The following SPATA2L variants were observed in gnomAD, a reference collection of about 807,000 sequenced individuals.
SPATA2L encodes spermatogenesis-associated protein 2-like protein.
In SPATA2L, 5 loss-of-function variants were observed where a neutral mutation model predicts 8.7. The ratio of observed to expected loss-of-function variants is 0.57; its 90% CI spans 0.30 to 1.21. The LOEUF is 1.21. SPATA2L is among the 50% of genes most tolerant of loss of function. SPATA2L has a pLI of 0.07. For missense variants in SPATA2L, 671 were observed against 591.0 expected, an observed-to-expected ratio of 1.14 and a Z score of -1.40; for synonymous variants, 358 against 275.8, an observed-to-expected ratio of 1.30 and a Z score of -2.95.
chr16:89,696,393 C>G lies in SPATA2L; in HGVS notation c.*941G>C, dbSNP rs371350963. 1.4e-4 allele frequency: 32 copies of G among 231,862 alleles called. No homozygotes were observed. Among genetic ancestry groups the G allele is most frequent in the African/African-American group, 6.8e-4 (30 of 44,108 alleles). 14.4% of individuals were successfully genotyped at this position (231,862 alleles called of 1,614,324 possible). On this transcript the variant is annotated 3_prime_UTR_variant, in exon 3 of 3. Transcript: ENST00000289805. ...GCGTTTAATGTGCTCTGATGTTGAC[C>G]GTCCCTCTGAGTGTTCTGGGGAGGA... is the stretch of plus-strand genomic sequence containing the variant.
intron 2 of SPATA2L, 125 bp from the exon 3 acceptor site, chr16:89,698,430 G>T: frequency 2.4e-6 from 2 of 824,990 alleles, no homozygotes; most frequent in Non-Finnish European, 3.5e-6. Flanking sequence ...CAACCCCAGA[G>T]ACTAGGCTTA....
chr16:89,699,754 G>C (rs1019640168), intron 2 of SPATA2L, among the ~76,000 whole-genome samples: 1 of 152,134 alleles, frequency 6.6e-6, no homozygotes, highest in African/African-American at 2.4e-5. Context: ...GTTTCACCAT[G>C]TTGGTTAGGC....
At chr16:89,698,483 T>C (rs2060753187) in intron 2 of SPATA2L, among the ~76,000 whole-genome samples, 178 bp from the exon 3 acceptor site, 2 of 124,192 alleles carry the variant, frequency 1.6e-5, no homozygotes, top group Non-Finnish European at 3.3e-5. Flanking sequence ...TCTTTTTTTT[T>C]TTTTTTTTTT....
chr16:89,698,116 G>T lies in SPATA2L; in HGVS notation c.493C>A (p.Leu165Met). The change falls in exon 3 of 3, where the codon CTG becomes ATG. Residue 165 changes from leucine (L) to methionine (M), a missense_variant. Transcript: ENST00000289805. ...CCCAGCTGGGCCAGCACCTCACCCA[G>T]GATCTCACACTCCAGCCGGAGGGCG... ...CFALRLECEI[L>M]GEVLAQLGTS... The T allele has an allele frequency of 6.2e-7, 1 of 1,606,974 alleles. No homozygotes were observed.
In SPATA2L at chr16:89,697,912, C is replaced by T; in HGVS notation, c.697G>A (p.Glu233Lys). 2 of 1,611,604 alleles carry T rather than the reference C, an allele frequency of 1.2e-6. No homozygotes were observed. Among genetic ancestry groups the T allele is most frequent in the South Asian group, 1.1e-5 (1 of 91,018 alleles). The change falls in exon 3 of 3, where the codon GAA becomes AAA. Residue 233 changes from glutamate to lysine, a missense_variant. Coordinates refer to ENST00000289805, the MANE Select transcript of SPATA2L (RefSeq NM_152339.4). The part of the protein sequence containing the change: ...APLDLYRDLQ[E>K]DEGSEDASLY... ...CTGGCGTCCTCCGACCCCTCGTCTT[C>T]CTGCAAGTCCCGGTATAAGTCCAGT...
chr16:89,700,474 G>C (rs2060768809), intron 2 of SPATA2L, among the ~76,000 whole-genome samples: 2 of 152,330 alleles, frequency 1.3e-5, no homozygotes, highest in Non-Finnish European at 2.9e-5. Flanking sequence ...AGGCCGTGGA[G>C]TTCACTAGGT....
At position 89,696,759 on chromosome 16, in the gene SPATA2L, C is replaced by G; in HGVS notation, c.*575G>C. On this transcript the variant is annotated 3_prime_UTR_variant, in exon 3 of 3. Transcript: ENST00000289805. ...CATCTGGTTTGAGGTCAGGTCATTT[C>G]CTGTCTGTGGGCCCAGCTGCTGTGA... 6.5e-7 allele frequency: 1 copy of G among 1,527,678 alleles called. No homozygotes were observed. The highest frequency in any genetic ancestry group is 8.8e-7 in the Non-Finnish European group (1 of 1,140,902). The allele number at this position is 1,527,678 out of a possible 1,614,324, so 94.6% of individuals were successfully genotyped here. A position where few individuals can be genotyped will look rare whatever the true frequency, so the allele number is the denominator to read the frequency against.
Position 89,696,963 on chromosome 16 carries a change from G to A in SPATA2L, c.*371C>T, listed in dbSNP as rs371089860. 1.9e-5 allele frequency: 28 copies of A among 1,484,480 alleles called. No homozygotes were observed. Among genetic ancestry groups the A allele is most frequent in the Admixed American group, 6.3e-5 (3 of 47,668 alleles). The allele number at this position is 1,484,480 out of a possible 1,614,324, so 92.0% of individuals were successfully genotyped here. A position where few individuals can be genotyped will look rare whatever the true frequency, so the allele number is the denominator to read the frequency against. ...GGAGGACCCCCAAGTCCTGAGCCCC[G>A]TACTCCGTACTGCAGGGAGCAGGCC... On this transcript the variant is annotated 3_prime_UTR_variant, in exon 3 of 3. Transcript: ENST00000289805.
Position 89,701,038 on chromosome 16 carries a change from G to A in SPATA2L, c.195C>T (p.Ala65=). ...GGCCGCGTAGCGCGGGCGCCAGGTCGGCGCGGCCCCACAGCCCGTCGGTGA... is the reference window on the plus strand; with the variant it reads ...GGCCGCGTAGCGCGGGCGCCAGGTCAGCGCGGCCCCACAGCCCGTCGGTGA... ...ALLTDGLWGR[A]DLAPALRGLA... Residue 65 remains alanine (A), a synonymous_variant, in exon 2 of 3, where the codon GCC becomes GCT. Transcript: ENST00000289805. The A allele has an allele frequency of 1.3e-6, 2 of 1,570,326 alleles. No homozygotes were observed. Among genetic ancestry groups the A allele is most frequent in the Non-Finnish European group, 1.7e-6 (2 of 1,161,332 alleles).
chr16:89,701,303 C>G, intron 1 of SPATA2L, 70 bp from the exon 2 acceptor site: 1 of 1,339,190 alleles, frequency 7.5e-7, no homozygotes, highest in Admixed American at 3.8e-5. Context: ...TCTCCCCGAA[C>G]CCTCACCCAG....
In SPATA2L at chr16:89,696,358, G is replaced by A; in HGVS notation, c.*976C>T. ...GGATAAAAGCTTTTTTAACAGACAT[G>A]GTTTCACCAGCGTTTAATGTGCTCT... is the stretch of plus-strand genomic sequence containing the variant. On this transcript the variant is annotated 3_prime_UTR_variant, in exon 3 of 3. Coordinates refer to ENST00000289805, the MANE Select transcript of SPATA2L (RefSeq NM_152339.4). The A allele has an allele frequency of 4.9e-6, 1 of 205,406 alleles. No individual in the cohort carries two copies. The highest frequency in any genetic ancestry group is 1.2e-4 in the South Asian group (1 of 8,678). The allele number at this position is 205,406 out of a possible 1,614,324, so 12.7% of individuals were successfully genotyped here.
intron 2 of SPATA2L, 133 bp from the exon 3 acceptor site, chr16:89,698,438 T>G: frequency 1.3e-6 from 1 of 794,146 alleles, no homozygotes; most frequent in Non-Finnish European, 1.9e-6. Flanking sequence ...GAGACTAGGC[T>G]TAGCCAGCTT....
intron 2 of SPATA2L, among the ~76,000 whole-genome samples, chr16:89,698,857 G>A (rs1215945915): frequency 2.0e-5 from 3 of 149,376 alleles, no homozygotes; most frequent in Non-Finnish European, 3.0e-5. Context: ...GCACGATCTC[G>A]GCTCACTACA....
Position 89,701,703 on chromosome 16 carries a change from G to C in SPATA2L, c.-77C>G, listed in dbSNP as rs2060776982. ...CGCGCGCCGCGCGCTTCCGCCGGGA[G>C]TCGGCTCCGCCCGGGGTCCGCGGCC... is the stretch of plus-strand genomic sequence containing the variant. On this transcript the variant is annotated 5_prime_UTR_variant, in exon 1 of 3. Coordinates refer to ENST00000289805, the MANE Select transcript of SPATA2L (RefSeq NM_152339.4). 1 of 154,304 alleles carries C rather than the reference G, an allele frequency of 6.5e-6. No individual in the cohort carries two copies. The highest frequency in any genetic ancestry group is 2.1e-4 in the South Asian group (1 of 4,856). The allele number at this position is 154,304 out of a possible 1,614,324, so 9.6% of individuals were successfully genotyped here.
In SPATA2L at chr16:89,696,435, G is replaced by A. The variant is rs145509579; in HGVS notation, c.*899C>T. The A allele has an allele frequency of 2.1e-5, 6 of 286,822 alleles. No individual in the cohort carries two copies. Among genetic ancestry groups the A allele is most frequent in the African/African-American group, 1.1e-4 (5 of 45,614 alleles). 17.8% of individuals were successfully genotyped at this position (286,822 alleles called of 1,614,324 possible). ...TGGGGAGGAGGGGGTGGGGCGGAGG[G>A]TCAGGAAAGCAGGCTCAGCTTCCAG... On this transcript the variant is annotated 3_prime_UTR_variant, in exon 3 of 3. Coordinates refer to ENST00000289805, the MANE Select transcript of SPATA2L (RefSeq NM_152339.4).
At position 89,698,176 on chromosome 16, in the gene SPATA2L, CGGG is replaced by C. The variant is rs1199732203; in HGVS notation, c.430_432del (p.Pro144del). The stretch of plus-strand genomic sequence containing the variant: ...AGGGCCACCTGCACCAGCTGGCAGG[CGGG>C]GGGCAGGGCGGTCACCATGAGCCGA... On this transcript the variant is annotated inframe_deletion, in exon 3 of 3. Transcript: ENST00000289805. 6.2e-7 allele frequency: 1 copy of C among 1,611,310 alleles called. No individual in the cohort carries two copies. Among genetic ancestry groups the C allele is most frequent in the Non-Finnish European group, 8.5e-7 (1 of 1,179,358 alleles).
rs146729342 is a variant in SPATA2L, at chr16:89,698,077, G to A, written c.532C>T (p.Pro178Ser). The change falls in exon 3 of 3, where the codon CCA becomes TCA. Residue 178 changes from proline to serine, a missense_variant. Transcript: ENST00000289805. Reference sequence around the variant, plus strand: ...CGTGCCTGCAGCAGCTCCTCAGCTGGCAGCACACTGGTGCCCAGCTGGGCC... The same window carrying A: ...CGTGCCTGCAGCAGCTCCTCAGCTGACAGCACACTGGTGCCCAGCTGGGCC... ...VLAQLGTSVLPAEELLQARRA... is the reference protein window; with the variant it reads ...VLAQLGTSVLSAEELLQARRA... The A allele has an allele frequency of 7.9e-5, 127 of 1,599,500 alleles. 1 individual carries two copies. The African/African-American group carries it at 1.7e-3, about 21-fold the overall frequency.
chr16:89,697,988 C>T lies in SPATA2L; in HGVS notation c.621G>A (p.Glu207=). The change falls in exon 3 of 3, where the codon GAG becomes GAA. Residue 207 remains glutamate, a synonymous_variant. Transcript: ENST00000289805. ...CTCGGGGGGGCAGGGGTGGCGGCTC[C>T]TCATCCTGGGCCAGCCGCTGCTGCA... is the stretch of plus-strand genomic sequence containing the variant. ...AWLQQRLAQD[E]EPPPLPPRGS... The T allele has an allele frequency of 6.2e-7, 1 of 1,602,588 alleles. No homozygotes were observed. Among genetic ancestry groups the T allele is most frequent in the African/African-American group, 1.3e-5 (1 of 74,950 alleles).
rs576746269 is a variant in SPATA2L, at chr16:89,696,492, C to T, written c.*842G>A. 1.3e-5 allele frequency: 5 copies of T among 370,454 alleles called. No homozygotes were observed. The South Asian group carries it at 2.3e-4, about 17-fold the overall frequency. The allele number at this position is 370,454 out of a possible 1,614,324, so 22.9% of individuals were successfully genotyped here. On this transcript the variant is annotated 3_prime_UTR_variant, in exon 3 of 3. Transcript: ENST00000289805. ...GGAGTTGTGGGCCCAGAGGGGCTGT[C>T]ACAGTGGATGCACCCTGCCCTCTCC...
Sources: gnomAD v4.1 joint callset for allele counts (sites outside exome capture counted in the v4.1 genomes callset) on GRCh38, gnomAD v4.1.1 for gene constraint, MANE v1.5 for transcripts, NCBI Gene and HGNC (gene_info 2026-07-23, HGNC 2026-07-21) for gene names.